CRHR2: variants seen among roughly 807,000 people sequenced by gnomAD.
The protein encoded by CRHR2 is corticotropin releasing hormone receptor 2, also known as corticotropin-releasing hormone receptor 2.
Under a neutral mutation model 57.9 loss-of-function variants are expected in CRHR2, and 53 were observed. The observed-to-expected ratio is 0.92, with a 90% CI of 0.73 to 1.15. The LOEUF (loss-of-function observed/expected upper bound fraction) is 1.15. Ranked by LOEUF, CRHR2 falls within the 50% of genes most tolerant of loss-of-function variation. The pLI, the probability that CRHR2 is intolerant of heterozygous loss-of-function variation, is 0.00. For missense variants in CRHR2, 532 were observed against 542.6 expected (o/e 0.98, Z 0.19); for synonymous variants, 213 against 220.9 (o/e 0.96, Z 0.32).
intron 2 of CRHR2, among the ~76,000 whole-genome samples, chr7:30,688,083 T>G (rs1184421889): frequency 2.0e-5 from 3 of 152,156 alleles, no homozygotes; most frequent in Admixed American, 2.0e-4. Flanking sequence ...GGATTTAGGG[T>G]CTTCGATGAG....
Position 30,655,672 on chromosome 7 carries a change from T to C in CRHR2, c.961A>G (p.Ile321Val). 1.2e-6 allele frequency: 2 copies of C among 1,614,134 alleles called. No individual in the cohort carries two copies. The highest frequency in any genetic ancestry group is 1.7e-6 in the Non-Finnish European group (2 of 1,179,974). Residue 321 changes from isoleucine (I) to valine (V), a missense_variant, in exon 10 of 12, where the codon ATC becomes GTC. Transcript: ENST00000471646. ...ATLVLLPLLG[I>V]TYMLFFVNPG... is the part of the protein sequence containing the mutation. ...TTGACGAAGAAGAGCATGTAGGTGA[T>C]GCCCAGGAGGGGCAGGAGCACCAGG...
chr7:30,662,973 C>G (rs1418867165), intron 5 of CRHR2, 126 bp from the exon 6 acceptor site: 2 of 1,091,892 alleles, frequency 1.8e-6, no homozygotes, highest in African/African-American at 1.6e-5. Flanking sequence ...CATCAAATAC[C>G]AGCGAACCTC....
intron 1 of CRHR2, among the ~76,000 whole-genome samples, chr7:30,694,471 G>T (rs987530528): frequency 6.6e-6 from 1 of 152,232 alleles, no homozygotes; most frequent in Non-Finnish European, 1.5e-5. Flanking sequence ...GGAACCTGGG[G>T]GTCTGGCCCA....
In CRHR2 at chr7:30,694,841, G is replaced by A. The variant is rs117883749; in HGVS notation, c.-261+5103C>T. 6.7e-3 allele frequency among the ~76,000 whole-genome samples: 1,002 copies of A among 150,174 alleles called. 5 individuals carry two copies. The highest frequency in any genetic ancestry group is 0.012 in the Non-Finnish European group (786 of 67,574). On this transcript the variant is annotated intron_variant, in intron 1 of 13. Coordinates refer to the CRHR2 transcript ENST00000341843. ...AAGAGGGGAGGAGGAGTGCAGAGGAGTAGGAAAAGGGAAGGGAAGAAAGGA... is the reference window on the plus strand; with the variant it reads ...AAGAGGGGAGGAGGAGTGCAGAGGAATAGGAAAAGGGAAGGGAAGAAAGGA...
At chr7:30,668,396 G>C (rs1275111828) in intron 2 of CRHR2, among the ~76,000 whole-genome samples, 1 of 152,122 alleles carries the variant, frequency 6.6e-6, no homozygotes, top group African/African-American at 2.4e-5. Flanking sequence ...AATGCTGAAC[G>C]TTCCATTGTT....
At chr7:30,691,586 G>A (rs1784961735) in intron 1 of CRHR2, among the ~76,000 whole-genome samples, 1 of 152,206 alleles carries the variant, frequency 6.6e-6, no homozygotes, top group Non-Finnish European at 1.5e-5. Flanking sequence ...GCACTTTGTG[G>A]GGAGTGGGCA....
intron 11 of CRHR2, chr7:30,654,682 C>T: frequency 6.5e-7 from 1 of 1,535,930 alleles, no homozygotes; most frequent in East Asian, 2.4e-5. Flanking sequence ...CTTCTGCTCC[C>T]TGAGTCCATA....
chr7:30,658,733 G>A (rs1324456860), intron 8 of CRHR2, among the ~76,000 whole-genome samples: 1 of 152,248 alleles, frequency 6.6e-6, no homozygotes, highest in Non-Finnish European at 1.5e-5. Flanking sequence ...ACTAAGACCT[G>A]TGTCTGGCCT....
chr7:30,682,335 G>A lies in CRHR2; in HGVS notation c.-55C>T, dbSNP rs748756881. 6 of 1,480,522 alleles carry A rather than the reference G, an allele frequency of 4.1e-6. No homozygotes were observed. In the East Asian group the frequency reaches 1.1e-4, roughly 27 times the overall value. The allele number at this position is 1,480,522 out of a possible 1,614,324, so 91.7% of individuals were successfully genotyped here. A position where few individuals can be genotyped will look rare whatever the true frequency, so the allele number is the denominator to read the frequency against. On this transcript the variant is annotated 5_prime_UTR_variant, in exon 1 of 12. Transcript: ENST00000471646. Reference sequence around the variant, plus strand: ...GTGGGAGTGCGCGCCCGGCGTGACTGCGAGGGAGTGGACGCGAGAGTGAGC... The same window carrying A: ...GTGGGAGTGCGCGCCCGGCGTGACTACGAGGGAGTGGACGCGAGAGTGAGC...
Position 30,654,319 on chromosome 7 carries a change from C to G in CRHR2, c.1096-719G>C, listed in dbSNP as rs527451381. 1.4e-4 allele frequency among the ~76,000 whole-genome samples: 21 copies of G among 152,348 alleles called. No homozygotes were observed. In the South Asian group the frequency reaches 4.4e-3, roughly 32 times the overall value. On this transcript the variant is annotated intron_variant, in intron 11 of 11. Transcript: ENST00000471646. The stretch of plus-strand genomic sequence containing the variant: ...GCCCCCTCTCTTCTTCTCATCCAGC[C>G]CACAGGACCCGTCTCTGCTGATGGA...
chr7:30,655,672 T>G lies in CRHR2; in HGVS notation c.961A>C (p.Ile321Leu). 1 of 1,614,134 alleles carries G rather than the reference T, an allele frequency of 6.2e-7. No homozygotes were observed. The highest frequency in any genetic ancestry group is 8.5e-7 in the Non-Finnish European group (1 of 1,179,974). ...TTGACGAAGAAGAGCATGTAGGTGATGCCCAGGAGGGGCAGGAGCACCAGG... is the reference window on the plus strand; with the variant it reads ...TTGACGAAGAAGAGCATGTAGGTGAGGCCCAGGAGGGGCAGGAGCACCAGG... ...ATLVLLPLLG[I>L]TYMLFFVNPG... Residue 321 changes from isoleucine (I) to leucine (L), a missense_variant, in exon 10 of 12, where the codon ATC becomes CTC. Coordinates refer to ENST00000471646, the MANE Select transcript of CRHR2 (RefSeq NM_001883.5).
chr7:30,689,095 G>T, intron 2 of CRHR2: 2 of 1,134,384 alleles, frequency 1.8e-6, no homozygotes, highest in Non-Finnish European at 2.6e-6. Flanking sequence ...CCACCACCCT[G>T]CTGAGCCTGG....
intron 1 of CRHR2, among the ~76,000 whole-genome samples, chr7:30,696,078 C>T (rs80279089): frequency 0.02 from 3,101 of 152,242 alleles, 82 homozygotes; most frequent in African/African-American, 0.066. Context: ...TTATCACTTA[C>T]TTGTGGGATT....
intron 1 of CRHR2, among the ~76,000 whole-genome samples, chr7:30,692,976 G>C (rs983076368): frequency 3.3e-5 from 5 of 152,178 alleles, no homozygotes; most frequent in African/African-American, 1.2e-4. Flanking sequence ...GGTCACGGAT[G>C]CTGAGAGGGC....
chr7:30,678,339 G>A (rs978140659), intron 2 of CRHR2, among the ~76,000 whole-genome samples: 3 of 152,154 alleles, frequency 2.0e-5, no homozygotes, highest in South Asian at 4.1e-4. Context: ...TCTGTCACTC[G>A]ATGGTGCAAG....
upstream of CRHR2, among the ~76,000 whole-genome samples, chr7:30,684,887 C>A (rs1784824216): frequency 6.6e-6 from 1 of 152,202 alleles, no homozygotes; most frequent in South Asian, 2.1e-4. Context: ...AATCCAAGTA[C>A]AAACAAACAA....
At chr7:30,672,557 C>G (rs1360162716) in intron 2 of CRHR2, among the ~76,000 whole-genome samples, 1 of 152,148 alleles carries the variant, frequency 6.6e-6, no homozygotes, top group Non-Finnish European at 1.5e-5. Context: ...CCTTGTATGC[C>G]CATGCTTCAC....
rs911464315 is a variant in CRHR2, at chr7:30,665,302, C to G, written c.426-115G>C. 1 of 931,798 alleles carries G rather than the reference C, an allele frequency of 1.1e-6. No individual in the cohort carries two copies. The highest frequency in any genetic ancestry group is 1.7e-6 in the Non-Finnish European group (1 of 591,346). 57.7% of individuals were successfully genotyped at this position (931,798 alleles called of 1,614,324 possible). On this transcript the variant is annotated intron_variant, in intron 4 of 11. Coordinates refer to ENST00000471646, the MANE Select transcript of CRHR2 (RefSeq NM_001883.5). This position sits in a 1 kb window ranked among gnomAD's most constrained non-coding sequence, Gnocchi z 4.5. ...ATGAGGGCAGGGCTGCACTAGGAGC[C>G]ACTTCCCACCCATGGTGGCCACAGT...
chr7:30,661,663 A>G (rs914672301), intron 7 of CRHR2, among the ~76,000 whole-genome samples: 29 of 152,076 alleles, frequency 1.9e-4, no homozygotes, highest in Non-Finnish European at 2.9e-4. Flanking sequence ...AGTTGCTGTC[A>G]TTTGGGCTGT....
Sources: gnomAD v4.1 joint callset for allele counts (sites outside exome capture counted in the v4.1 genomes callset) on GRCh38, gnomAD v4.1.1 for gene constraint, Gnocchi (gnomAD v3.1) non-coding constraint, MANE v1.5 for transcripts, NCBI Gene and HGNC (gene_info 2026-07-23, HGNC 2026-07-21) for gene names.